SLC71A2: variants seen among roughly 807,000 people sequenced by gnomAD.
SLC71A2 encodes hippocampus abundant transcript-like 1.
At chr9:94,424,546 T>C in the SLC71A2 span, among the ~76,000 whole-genome samples, 9 of 152,026 alleles carry the variant, frequency 5.9e-5, no homozygotes, top group South Asian at 8.3e-4. Context: ...TAATATCTTG[T>C]ATAAATTCCT....
the SLC71A2 span, among the ~76,000 whole-genome samples, chr9:94,403,710 A>G: frequency 6.6e-6 from 1 of 151,978 alleles, no homozygotes; most frequent in Non-Finnish European, 1.5e-5. Context: ...TGGGTCATGG[A>G]GTAATTCTAT....
chr9:94,416,291 G>T, the SLC71A2 span, among the ~76,000 whole-genome samples: 1 of 151,986 alleles, frequency 6.6e-6, no homozygotes, highest in African/African-American at 2.4e-5. Flanking sequence ...GAGGCAGGAG[G>T]ATTGCTTGAG....
chr9:94,458,701 C>G, the SLC71A2 span, among the ~76,000 whole-genome samples: 1 of 152,150 alleles, frequency 6.6e-6, no homozygotes, highest in Non-Finnish European at 1.5e-5. Context: ...TACACAATCA[C>G]TACACTATTC....
chr9:94,381,866 TG>T, the SLC71A2 span, among the ~76,000 whole-genome samples: 6 of 152,222 alleles, frequency 3.9e-5, no homozygotes, highest in African/African-American at 1.4e-4. Flanking sequence ...ATTGTACAGT[TG>T]TACATTGCAG....
chr9:94,426,365 T>A, the SLC71A2 span, among the ~76,000 whole-genome samples: 1 of 152,164 alleles, frequency 6.6e-6, no homozygotes, highest in Non-Finnish European at 1.5e-5. Flanking sequence ...CATTTATGGC[T>A]ATTTTTTCCT....
chr9:94,399,783 G>GTT, the SLC71A2 span, among the ~76,000 whole-genome samples: 1 of 150,354 alleles, frequency 6.7e-6, no homozygotes, highest in East Asian at 2.0e-4. Flanking sequence ...CAATCACTGA[G>GTT]GTGAGTATTG....
the SLC71A2 span, among the ~76,000 whole-genome samples, chr9:94,417,865 C>A: frequency 0.01 from 112 of 10,872 alleles, no homozygotes; most frequent in Middle Eastern, 0.026. Context: ...CCCACCCCCC[C>A]CCCCCCCCCC....
At chr9:94,397,207 T>G in the SLC71A2 span, among the ~76,000 whole-genome samples, 1 of 152,360 alleles carries the variant, frequency 6.6e-6, no homozygotes, top group South Asian at 2.1e-4. Context: ...AAATTGCAGA[T>G]AGCATAGAGT....
chr9:94,404,001 A>G, the SLC71A2 span, among the ~76,000 whole-genome samples: 1 of 152,132 alleles, frequency 6.6e-6, no homozygotes, highest in Non-Finnish European at 1.5e-5. Flanking sequence ...TGCTGCTATT[A>G]AAAAGGGCTT....
At chr9:94,426,307 G>A in the SLC71A2 span, among the ~76,000 whole-genome samples, 1 of 151,986 alleles carries the variant, frequency 6.6e-6, no homozygotes, top group Non-Finnish European at 1.5e-5. Context: ...CAGCAGCTTT[G>A]AGAGGAAGAC....
the SLC71A2 span, chr9:94,459,187 T>C: frequency 6.2e-7 from 1 of 1,613,956 alleles, no homozygotes; most frequent in Non-Finnish European, 8.5e-7. Flanking sequence ...GCCCGCCGTT[T>C]TTATTTGGGG....
the SLC71A2 span, among the ~76,000 whole-genome samples, chr9:94,420,520 A>T: frequency 6.6e-6 from 1 of 152,078 alleles, no homozygotes; most frequent in African/African-American, 2.4e-5. Flanking sequence ...ATAATTTGTT[A>T]ATCTTTTTAT....
At chr9:94,454,042 G>C in the SLC71A2 span, 1 of 1,613,806 alleles carries the variant, frequency 6.2e-7, no homozygotes, top group Non-Finnish European at 8.5e-7. Flanking sequence ...GCTCCAGTTA[G>C]CCTGGTACGG....
chr9:94,390,028 C>G, the SLC71A2 span, among the ~76,000 whole-genome samples: 1 of 152,108 alleles, frequency 6.6e-6, no homozygotes, highest in Non-Finnish European at 1.5e-5. Context: ...TCCTGGCTAA[C>G]ACAGTGAAAC....
chr9:94,408,680 G>C, the SLC71A2 span, among the ~76,000 whole-genome samples: 2 of 150,740 alleles, frequency 1.3e-5, no homozygotes, highest in African/African-American at 4.9e-5. Flanking sequence ...GTTTCTGTAA[G>C]GTTGACCATT....
chr9:94,431,064 G>A, the SLC71A2 span, among the ~76,000 whole-genome samples: 3 of 152,190 alleles, frequency 2.0e-5, no homozygotes, highest in Non-Finnish European at 2.9e-5. Flanking sequence ...TGTAATCCCA[G>A]CACTTTGGGA....
At chr9:94,424,455 G>A in the SLC71A2 span, among the ~76,000 whole-genome samples, 47 of 151,924 alleles carry the variant, frequency 3.1e-4, no homozygotes, top group South Asian at 4.0e-3. Flanking sequence ...GGCTGGTCTC[G>A]AACTCCTGAC....
At chr9:94,391,836 G>A in the SLC71A2 span, among the ~76,000 whole-genome samples, 10 of 151,872 alleles carry the variant, frequency 6.6e-5, no homozygotes, top group African/African-American at 9.7e-5. Context: ...CCGAGATTGC[G>A]CCACTGCACT....
the SLC71A2 span, among the ~76,000 whole-genome samples, chr9:94,378,058 C>G: frequency 5.3e-5 from 8 of 151,212 alleles, no homozygotes; most frequent in African/African-American, 1.9e-4. Context: ...GAGCTGAGAT[C>G]GTGCCACTGC....
Sources: gnomAD v4.1 joint callset for allele counts (sites outside exome capture counted in the v4.1 genomes callset) on GRCh38, gnomAD v4.1.1 for gene constraint, MANE v1.5 for transcripts, NCBI Gene and HGNC (gene_info 2026-07-23, HGNC 2026-07-21) for gene names.